The following ERAP1 variants were observed in gnomAD, a reference collection of about 807,000 sequenced individuals.
The protein encoded by ERAP1 is endoplasmic reticulum aminopeptidase 1.
In ERAP1, 86 loss-of-function variants were observed where a neutral mutation model predicts 103.7. The observed-to-expected ratio is 0.83, with a 90% CI of 0.70 to 0.99. ERAP1 has a LOEUF of 0.99. Among genes scored for constraint, ERAP1 ranks in the 50% least tolerant of loss-of-function variants. The pLI is 0.00. For missense variants in ERAP1, 1,009 were observed against 1,128.4 expected, an observed-to-expected ratio of 0.89 and a Z score of 1.52; for synonymous variants, 398 against 402.4, an observed-to-expected ratio of 0.99 and a Z score of 0.13.
At chr5:96,902,400 C>T in the ERAP1 span, 1 of 1,194,076 alleles carries the variant, frequency 8.4e-7, no homozygotes, top group East Asian at 2.3e-5. Context: ...GGAAATTAAA[C>T]ATGTGTTGAG....
intron 1 of ERAP1, 146 bp downstream of exon 1, chr5:96,807,714 G>C: frequency 2.0e-6 from 1 of 503,006 alleles, no homozygotes; most frequent in Non-Finnish European, 2.6e-6. Context: ...TTCCTCCCGC[G>C]CCCCGTCTCC....
At chr5:96,767,207 A>G (rs1770305448) in intron 19 of ERAP1, among the ~76,000 whole-genome samples, 1 of 152,220 alleles carries the variant, frequency 6.6e-6, no homozygotes, top group African/African-American at 2.4e-5. Flanking sequence ...TTTCACTTCC[A>G]GGACCAGACC....
chr5:96,904,105 C>G, the ERAP1 span, among the ~76,000 whole-genome samples: 1 of 152,212 alleles, frequency 6.6e-6, no homozygotes, highest in African/African-American at 2.4e-5. Flanking sequence ...GTTATGAAAT[C>G]TATTCATTAC....
intron 19 of ERAP1, chr5:96,766,210 T>C (rs2150731384): frequency 1.1e-6 from 1 of 888,114 alleles, no homozygotes; most frequent in Non-Finnish European, 1.9e-6. Flanking sequence ...AAACCTCCCT[T>C]GAAATAAATA....
chr5:96,891,537 CACACA>C, the ERAP1 span, among the ~76,000 whole-genome samples: 1 of 20,928 alleles, frequency 4.8e-5, no homozygotes, highest in Non-Finnish European at 9.0e-5. Context: ...GGTATATATA[CACACA>C]CACACACACA....
rs1458289188 is a variant in ERAP1 at position 96,797,259 on chromosome 5, G to A, written c.714C>T (p.Val238=). 1.1e-5 allele frequency: 17 copies of A among 1,613,970 alleles called. No homozygotes were observed. Among genetic ancestry groups the A allele is most frequent in the Non-Finnish European group, 1.4e-5 (17 of 1,179,954 alleles). ...AEGLIEDHFD[V]TVKMSTYLVA... Reference sequence around the variant, plus strand: ...CCAGATAGGTGCTCATCTTCACAGTGACATCAAAATGGTCTTCTATGAGTC... The same window carrying A: ...CCAGATAGGTGCTCATCTTCACAGTAACATCAAAATGGTCTTCTATGAGTC... The change falls in exon 4 of 19, where the codon GTC becomes GTT. Residue 238 remains valine, a synonymous_variant. Transcript: ENST00000443439.
At chr5:96,810,550 T>C (rs923563250), upstream of ERAP1, among the ~76,000 whole-genome samples, 1 of 152,160 alleles carries the variant, frequency 6.6e-6, no homozygotes, top group African/African-American at 2.4e-5. Flanking sequence ...TCACATTGCA[T>C]TGGCCAGAAC....
the ERAP1 span, among the ~76,000 whole-genome samples, chr5:96,853,716 C>T: frequency 8.7e-4 from 132 of 152,004 alleles, no homozygotes; most frequent in African/African-American, 3.1e-3. Context: ...ATTTGGAACT[C>T]ACAGTGAACT....
the ERAP1 span, among the ~76,000 whole-genome samples, chr5:96,911,866 CAA>C: frequency 4.7e-3 from 267 of 56,618 alleles, 3 homozygotes; most frequent in African/African-American, 0.015. Context: ...GACCCTGTCT[CAA>C]AAAAAAAAAA....
chr5:96,799,918 G>A (rs769608650), intron 3 of ERAP1, among the ~76,000 whole-genome samples: 4 of 152,170 alleles, frequency 2.6e-5, no homozygotes, highest in Non-Finnish European at 5.9e-5. Flanking sequence ...GCATCCTTAT[G>A]GTATGAAGGC....
rs144333828 is a variant in ERAP1, at chr5:96,785,824, C to T, written c.1907G>A (p.Arg636Gln). The T allele has an allele frequency of 7.2e-5, 117 of 1,613,994 alleles. No individual in the cohort carries two copies. Among genetic ancestry groups the T allele is most frequent in the African/African-American group, 9.3e-5 (7 of 74,902 alleles). The change falls in exon 13 of 19, where the codon CGG becomes CAG. Residue 636 changes from arginine (R) to glutamine (Q), a missense_variant. Transcript: ENST00000443439. Reference protein sequence around the residue: ...GTHTAVSSNDRASLINNAFQL... With the variant: ...GTHTAVSSNDQASLINNAFQL... The stretch of plus-strand genomic sequence containing the variant: ...AAATGCATTGTTAATGAGACTCGCC[C>T]GATCATTACTGCTGACTGCTGTGTG...
downstream of ERAP1, chr5:96,771,630 G>C (rs1333328351): frequency 1.2e-6 from 2 of 1,609,360 alleles, no homozygotes; most frequent in South Asian, 1.1e-5. Context: ...GGATGGTTTT[G>C]CTTTCCCTTT....
chr5:96,891,003 A>G, the ERAP1 span, among the ~76,000 whole-genome samples: 8 of 152,202 alleles, frequency 5.3e-5, no homozygotes, highest in African/African-American at 1.9e-4. Context: ...TATAAGTCCC[A>G]CTACTATAAA....
chr5:96,888,487 GATTTTATACGTAAGC>G, the ERAP1 span, among the ~76,000 whole-genome samples: 1 of 152,202 alleles, frequency 6.6e-6, no homozygotes. Context: ...TATTAAATTA[GATTTTATACGTAAGC>G]ATTCAGCACA....
At chr5:96,804,664 C>T (rs26654) in intron 1 of ERAP1, among the ~76,000 whole-genome samples, 96,370 of 151,998 alleles carry the variant, frequency 0.63, 31,280 homozygotes, top group Non-Finnish European at 0.72. Context: ...ATGTGAATTT[C>T]AGGCCAGGCA....
rs533571886 is a variant in ERAP1, at chr5:96,783,501, AAG to A, written c.2101-268_2101-267del. Among the ~76,000 whole-genome samples the A allele has an allele frequency of 2.8e-3, 425 of 152,292 alleles. 5 individuals carry two copies. The highest frequency in any genetic ancestry group is 9.6e-3 in the African/African-American group (400 of 41,558). ...AATTGCGACTTTTAAAACAAACTCA[AAG>A]AGAGTTTACATGACTAAATTTTGAG... On this transcript the variant is annotated intron_variant, in intron 14 of 18. Coordinates refer to ENST00000443439, the MANE Select transcript of ERAP1 (RefSeq NM_001040458.3).
chr5:96,834,991 C>T, the ERAP1 span, among the ~76,000 whole-genome samples: 5 of 152,106 alleles, frequency 3.3e-5, no homozygotes, highest in South Asian at 2.1e-4. Flanking sequence ...GGCACACAAC[C>T]GACTGAGAAC....
chr5:96,852,290 T>C, the ERAP1 span, among the ~76,000 whole-genome samples: 1 of 152,196 alleles, frequency 6.6e-6, no homozygotes, highest in Admixed American at 6.5e-5. Context: ...CATGGACAAA[T>C]GCTGAGTGTG....
chr5:96,917,645 G>C, the ERAP1 span: 1 of 1,520,684 alleles, frequency 6.6e-7, no homozygotes. Context: ...GGTGGCTCAC[G>C]CCTGTAATCC....
Sources: allele counts gnomAD v4.1 joint callset (sites outside exome capture counted in the v4.1 genomes callset), GRCh38; gene constraint gnomAD v4.1.1; transcripts MANE v1.5; gene names NCBI Gene and HGNC (gene_info 2026-07-23, HGNC 2026-07-21).